Variants in ZFC3H1 observed in about 807,000 individuals in gnomAD.
The protein encoded by ZFC3H1 is zinc finger C3H1 domain-containing protein.
In ZFC3H1, 71 loss-of-function variants were observed where a neutral mutation model predicts 243.7. That is an observed-to-expected ratio of 0.29 (90% CI 0.24 to 0.36). The LOEUF is 0.36. Ranked by LOEUF, ZFC3H1 falls within the 10% of genes least tolerant of loss-of-function variation. The pLI is 1.00. For synonymous variants in ZFC3H1, 838 were observed against 813.0 expected, an observed-to-expected ratio of 1.03 and a Z score of -0.52; for missense variants, 1,966 against 2,317.1, an observed-to-expected ratio of 0.85 and a Z score of 3.11.
intron 2 of ZFC3H1, 49 bp downstream of exon 2, chr12:71,656,836 C>T: frequency 6.5e-7 from 1 of 1,535,530 alleles, no homozygotes; most frequent in East Asian, 2.3e-5. Context: ...GTAGTTACTA[C>T]TTTAGAGGAA....
chr12:71,648,283 T>C (rs1224017696), intron 2 of ZFC3H1, among the ~76,000 whole-genome samples: 1 of 152,202 alleles, frequency 6.6e-6, no homozygotes, highest in Non-Finnish European at 1.5e-5. Context: ...AAAGCATCAG[T>C]AGAGGCAGCT....
rs1880206178 is a variant in ZFC3H1 at position 71,627,759 on chromosome 12, T to C, written c.4122A>G (p.Gln1374=). 1.9e-6 allele frequency: 3 copies of C among 1,608,530 alleles called. No homozygotes were observed. Among genetic ancestry groups the C allele is most frequent in the Non-Finnish European group, 1.7e-6 (2 of 1,177,810 alleles). The change falls in exon 21 of 35, where the codon CAA becomes CAG. Residue 1374 remains glutamine (Q), a synonymous_variant. Coordinates refer to ENST00000378743, the MANE Select transcript of ZFC3H1 (RefSeq NM_144982.5). ...ATTTGAAGTTGACCTACCCCTCATTTTGATTCAAGTACTTGTACGCAAGCT... is the reference window on the plus strand; with the variant it reads ...ATTTGAAGTTGACCTACCCCTCATTCTGATTCAAGTACTTGTACGCAAGCT... ...WLKLAYKYLN[Q]NEGECSESLD... is the part of the protein sequence containing the mutation.
chr12:71,645,902 G>C (rs1592599026), intron 3 of ZFC3H1, among the ~76,000 whole-genome samples: 1 of 152,190 alleles, frequency 6.6e-6, no homozygotes, highest in African/African-American at 2.4e-5. Context: ...ACTTTAATAA[G>C]GGGTGGGAGG....
At chr12:71,646,761 A>G (rs944099542) in intron 3 of ZFC3H1, among the ~76,000 whole-genome samples, 2 of 152,108 alleles carry the variant, frequency 1.3e-5, no homozygotes, top group Non-Finnish European at 2.9e-5. Context: ...GACACTTTTG[A>G]TTACTTTTTG....
chr12:71,620,380 T>A (rs1443723798), intron 24 of ZFC3H1, 65 bp from the exon 25 acceptor site: 49 of 1,530,150 alleles, frequency 3.2e-5, no homozygotes, highest in Non-Finnish European at 4.0e-5. Flanking sequence ...TTGACTGTGT[T>A]ACTTCAACTC....
At chr12:71,614,106 C>T (rs936093037) in intron 30 of ZFC3H1, among the ~76,000 whole-genome samples, 11 of 152,070 alleles carry the variant, frequency 7.2e-5, no homozygotes, top group African/African-American at 2.7e-4. Context: ...ATTTGCTTGA[C>T]AAAATATTAA....
intron 2 of ZFC3H1, among the ~76,000 whole-genome samples, chr12:71,655,057 G>A (rs1219105040): frequency 6.6e-6 from 1 of 151,958 alleles, no homozygotes; most frequent in Non-Finnish European, 1.5e-5. Context: ...AACTGATCAA[G>A]CATATCAAAA....
intron 27 of ZFC3H1, among the ~76,000 whole-genome samples, chr12:71,615,969 A>G (rs1879885132): frequency 6.6e-6 from 1 of 152,130 alleles, no homozygotes; most frequent in Admixed American, 6.5e-5. Flanking sequence ...AAATTTTCCA[A>G]TGAAATCTGT....
chr12:71,649,413 C>A (rs1880823084), intron 2 of ZFC3H1, among the ~76,000 whole-genome samples: 1 of 152,190 alleles, frequency 6.6e-6, no homozygotes, highest in Admixed American at 6.5e-5. Flanking sequence ...TACTTCAGGT[C>A]TATTTTATGG....
Position 71,663,654 on chromosome 12 carries a change from G to A in ZFC3H1, c.-44C>T. 1.3e-6 allele frequency: 2 copies of A among 1,571,170 alleles called. No individual in the cohort carries two copies. Among genetic ancestry groups the A allele is most frequent in the Non-Finnish European group, 8.6e-7 (1 of 1,160,528 alleles). On this transcript the variant is annotated 5_prime_UTR_variant, in exon 1 of 35. Coordinates refer to ENST00000378743, the MANE Select transcript of ZFC3H1 (RefSeq NM_144982.5). ...CACACAACCTTAGCCCTCCGTCCGG[G>A]GATCCGCCCGACAATTGCCTCGTTT... is the stretch of plus-strand genomic sequence containing the variant.
chr12:71,645,774 A>G (rs1337325269), intron 3 of ZFC3H1, among the ~76,000 whole-genome samples: 3 of 152,234 alleles, frequency 2.0e-5, no homozygotes, highest in Non-Finnish European at 4.4e-5. Context: ...TCCAATTGAA[A>G]TAACTTTTGC....
At chr12:71,621,559 A>C (rs983127132) in intron 24 of ZFC3H1, among the ~76,000 whole-genome samples, 2 of 152,050 alleles carry the variant, frequency 1.3e-5, no homozygotes, top group African/African-American at 4.8e-5. Context: ...ATGCCTCAGC[A>C]GATTATCAAG....
chr12:71,632,442 T>C lies in ZFC3H1; in HGVS notation c.2890A>G (p.Met964Val), dbSNP rs753371964. ...AGCTTTTGTAACCGTCTTTTCTCCA[T>C]AGCAATTAGTTCTGCTGAATGCTTT... ...PRKHSAELIA[M>V]EKRRLQKLEY... The change falls in exon 15 of 35, where the codon ATG becomes GTG. Residue 964 changes from methionine (M) to valine (V), a missense_variant. Transcript: ENST00000378743. 29 of 1,607,036 alleles carry C rather than the reference T, an allele frequency of 1.8e-5. No individual in the cohort carries two copies. The highest frequency in any genetic ancestry group is 2.3e-5 in the Non-Finnish European group (27 of 1,179,546).
At chr12:71,660,027 T>A (rs1881124247) in intron 1 of ZFC3H1, among the ~76,000 whole-genome samples, 2 of 152,228 alleles carry the variant, frequency 1.3e-5, no homozygotes, top group Admixed American at 1.3e-4. Flanking sequence ...TCTATTTCTT[T>A]AAAGTTGCAA....
chr12:71,636,577 T>A lies in ZFC3H1; in HGVS notation c.2013A>T (p.Ser671=). Reference sequence around the variant, plus strand: ...GAGACACTGTGTTAATACTGACTATTGATAGATTGCTTCTTGGCACAGGAT... The same window carrying A: ...GAGACACTGTGTTAATACTGACTATAGATAGATTGCTTCTTGGCACAGGAT... ...NSHPVPRSNL[S]IVSINTVSQP... The change falls in exon 9 of 35, where the codon TCA becomes TCT. Residue 671 remains serine, a synonymous_variant. Transcript: ENST00000378743. The A allele has an allele frequency of 6.2e-7, 1 of 1,613,984 alleles. No homozygotes were observed. Among genetic ancestry groups the A allele is most frequent in the Non-Finnish European group, 8.5e-7 (1 of 1,179,886 alleles).
intron 27 of ZFC3H1, among the ~76,000 whole-genome samples, chr12:71,617,933 G>A (rs369451702): frequency 3.9e-5 from 6 of 152,060 alleles, no homozygotes; most frequent in African/African-American, 1.4e-4. Context: ...AGGGAATAGT[G>A]TCCCCAAATC....
At chr12:71,662,940 C>G in intron 1 of ZFC3H1, 73 bp downstream of exon 1, 2 of 1,412,566 alleles carry the variant, frequency 1.4e-6, no homozygotes, top group Non-Finnish European at 1.9e-6. Context: ...TTACACTCGT[C>G]TCACAGACCT....
At chr12:71,644,399 T>C (rs1395605996) in intron 4 of ZFC3H1, 81 bp from the exon 5 acceptor site, 6 of 1,401,220 alleles carry the variant, frequency 4.3e-6, no homozygotes, top group African/African-American at 1.4e-5. Context: ...ATTTTCATTA[T>C]TGATTAATCA....
At chr12:71,658,166 T>C (rs2137564937) in intron 1 of ZFC3H1, among the ~76,000 whole-genome samples, 1 of 151,984 alleles carries the variant, frequency 6.6e-6, no homozygotes, top group Middle Eastern at 3.4e-3. Flanking sequence ...AATTTCAAAC[T>C]ACAATTTTTA....
Sources: allele counts gnomAD v4.1 joint callset (sites outside exome capture counted in the v4.1 genomes callset), GRCh38; gene constraint gnomAD v4.1.1; transcripts MANE v1.5; gene names NCBI Gene and HGNC (gene_info 2026-07-23, HGNC 2026-07-21).